TCF12: variants seen among roughly 807,000 people sequenced by gnomAD.
TCF12 encodes transcription factor 12, also known as DNA-binding protein HTF4.
In TCF12, 45 loss-of-function variants were observed where a neutral mutation model predicts 86.0. That is an observed-to-expected ratio of 0.52 (90% CI 0.41 to 0.67). The LOEUF (loss-of-function observed/expected upper bound fraction) is 0.67. TCF12 is among the 30% of genes least tolerant of loss of function. The probability of loss-of-function intolerance (pLI) is 0.00; values close to 1 mark genes in which losing one functional copy is unlikely to be tolerated. For synonymous variants in TCF12, 330 were observed against 299.6 expected (o/e 1.10, Z -1.05); for missense variants, 881 against 859.9 (o/e 1.02, Z -0.31).
chr15:57,084,552 G>A (rs868380773), intron 4 of TCF12, among the ~76,000 whole-genome samples: 21 of 152,080 alleles, frequency 1.4e-4, no homozygotes, highest in Non-Finnish European at 3.1e-4. Flanking sequence ...GATTCACTAG[G>A]CCTAAAACTC....
intron 5 of TCF12, among the ~76,000 whole-genome samples, chr15:57,138,791 A>T (rs535305265): frequency 6.6e-6 from 1 of 152,220 alleles, no homozygotes. Context: ...ATTATAAGCC[A>T]TTATGTAGTC....
chr15:57,008,949 A>G (rs2064651604), intron 3 of TCF12, among the ~76,000 whole-genome samples: 1 of 152,232 alleles, frequency 6.6e-6, no homozygotes, highest in Non-Finnish European at 1.5e-5. Flanking sequence ...AAGCAAAGTC[A>G]ACTTGTGTTG....
chr15:57,030,097 C>G (rs1269760823), intron 3 of TCF12, among the ~76,000 whole-genome samples: 1 of 151,846 alleles, frequency 6.6e-6, no homozygotes, highest in African/African-American at 2.4e-5. Context: ...CAAATCTCAC[C>G]TGGGAATAAG....
intron 6 of TCF12, among the ~76,000 whole-genome samples, chr15:57,173,236 A>C (rs1417530963): frequency 1.3e-5 from 2 of 152,252 alleles, no homozygotes; most frequent in African/African-American, 4.8e-5. Flanking sequence ...TGATATAACA[A>C]AATGTGTTGG....
chr15:57,082,007 A>G (rs957139361), intron 4 of TCF12, among the ~76,000 whole-genome samples: 2 of 152,232 alleles, frequency 1.3e-5, no homozygotes, highest in Non-Finnish European at 2.9e-5. Context: ...AAATGAATCT[A>G]GGCCAGGGAT....
In TCF12 at chr15:56,961,864, C is replaced by T. The variant is rs143247286; in HGVS notation, c.148+40766C>T. On this transcript the variant is annotated intron_variant, in intron 3 of 20. Transcript: ENST00000333725. ...GTGATATAAAATATGTTTAATGGGC[C>T]GGGCGCGGTGGCTCACGCTTGTAAT... 7.2e-3 allele frequency among the ~76,000 whole-genome samples: 1,098 copies of T among 152,082 alleles called. 10 individuals carry two copies. The highest frequency in any genetic ancestry group is 0.025 in the African/African-American group (1,047 of 41,498).
chr15:56,939,604 T>G lies in TCF12; in HGVS notation c.148+18506T>G, dbSNP rs148713675. 3.9e-5 allele frequency among the ~76,000 whole-genome samples: 6 copies of G among 152,362 alleles called. No homozygotes were observed. The East Asian group carries it at 1.2e-3, about 29-fold the overall frequency. Reference sequence around the variant, plus strand: ...AGATAGTGCTTTACACTTGTGTTTCTGCACAGTACCATGCTTTGAGGTTAA... The same window carrying G: ...AGATAGTGCTTTACACTTGTGTTTCGGCACAGTACCATGCTTTGAGGTTAA... On this transcript the variant is annotated intron_variant, in intron 3 of 20. Transcript: ENST00000333725.
At chr15:56,948,612 A>G (rs577500978) in intron 3 of TCF12, among the ~76,000 whole-genome samples, 10 of 152,222 alleles carry the variant, frequency 6.6e-5, no homozygotes, top group Non-Finnish European at 1.5e-4. Flanking sequence ...AGTGAGTTGA[A>G]GAAAACAAAC....
chr15:56,927,437 T>G (rs1210995233), intron 3 of TCF12, among the ~76,000 whole-genome samples: 1 of 152,246 alleles, frequency 6.6e-6, no homozygotes, highest in Non-Finnish European at 1.5e-5. Flanking sequence ...AGCTGGTAAC[T>G]TAATGTTAGT....
At chr15:56,983,258 A>T (rs544502521) in intron 3 of TCF12, among the ~76,000 whole-genome samples, 1 of 152,192 alleles carries the variant, frequency 6.6e-6, no homozygotes, top group Non-Finnish European at 1.5e-5. Flanking sequence ...CAAAAGAGAG[A>T]TTGGTAACTA....
intron 3 of TCF12, among the ~76,000 whole-genome samples, chr15:57,039,834 C>G (rs1408173197): frequency 3.3e-5 from 5 of 152,216 alleles, no homozygotes; most frequent in African/African-American, 1.2e-4. Context: ...TTCCTGCCCT[C>G]TGACACAGTA....
At chr15:57,148,802 G>A (rs1333824839) in intron 5 of TCF12, among the ~76,000 whole-genome samples, 1 of 152,068 alleles carries the variant, frequency 6.6e-6, no homozygotes, top group Non-Finnish European at 1.5e-5. Flanking sequence ...GCTTGAGCCT[G>A]GAGGTAGAGG....
intron 8 of TCF12, among the ~76,000 whole-genome samples, chr15:57,229,239 C>A (rs2059021982): frequency 6.6e-6 from 1 of 151,960 alleles, no homozygotes; most frequent in African/African-American, 2.4e-5. Flanking sequence ...ATCTGCCTAT[C>A]AGCCTGTACA....
At chr15:57,223,644 T>TG (rs2058713903) in intron 8 of TCF12, among the ~76,000 whole-genome samples, 1 of 44,186 alleles carries the variant, frequency 2.3e-5, no homozygotes. Flanking sequence ...ACCAATGAGG[T>TG]TTTTTTTTTT....
chr15:57,143,438 T>C (rs1185157057), intron 5 of TCF12, among the ~76,000 whole-genome samples: 6 of 152,212 alleles, frequency 3.9e-5, no homozygotes, highest in African/African-American at 1.4e-4. Flanking sequence ...TAACAACTTT[T>C]ATGTAAGCTT....
chr15:57,216,360 T>G (rs1338750238), intron 8 of TCF12, among the ~76,000 whole-genome samples: 2 of 152,082 alleles, frequency 1.3e-5, no homozygotes, highest in African/African-American at 4.8e-5. Context: ...ACATGAATAT[T>G]GAGTCAGATC....
intron 3 of TCF12, among the ~76,000 whole-genome samples, chr15:56,974,802 A>G (rs2062518229): frequency 6.6e-6 from 1 of 151,978 alleles, no homozygotes; most frequent in Admixed American, 6.6e-5. Flanking sequence ...TTTTTTCTCT[A>G]CCAACCTTTT....
intron 3 of TCF12, among the ~76,000 whole-genome samples, chr15:57,020,152 A>G (rs1288057322): frequency 2.6e-5 from 4 of 152,228 alleles, no homozygotes; most frequent in Admixed American, 6.5e-5. Context: ...AACCTCATGA[A>G]AAGGAAGAGT....
chr15:57,110,555 A>G (rs1450894103), intron 5 of TCF12, among the ~76,000 whole-genome samples: 1 of 152,208 alleles, frequency 6.6e-6, no homozygotes, highest in African/African-American at 2.4e-5. Flanking sequence ...AATTTGGTTG[A>G]AAGTTAGCTT....
Sources: gnomAD v4.1 joint callset for allele counts (sites outside exome capture counted in the v4.1 genomes callset) on GRCh38, gnomAD v4.1.1 for gene constraint, MANE v1.5 for transcripts, NCBI Gene and HGNC (gene_info 2026-07-23, HGNC 2026-07-21) for gene names.